Variants in AFF3 observed in about 807,000 individuals in gnomAD.
AFF3 encodes AF4/FMR2 family member 3.
Under a neutral mutation model 129.7 loss-of-function variants are expected in AFF3, and 32 were observed. The ratio of observed to expected loss-of-function variants is 0.25; its 90% confidence interval spans 0.19 to 0.33. AFF3 has a LOEUF of 0.33. AFF3 is among the 10% of genes least tolerant of loss of function. The pLI, the probability that AFF3 is intolerant of heterozygous loss-of-function variation, is 1.00. For synonymous variants in AFF3, 644 were observed against 635.4 expected (o/e 1.01, Z -0.20); for missense variants, 1,373 against 1,592.0 (o/e 0.86, Z 2.34).
intron 7 of AFF3, among the ~76,000 whole-genome samples, chr2:99,931,891 A>T (rs1448611732): frequency 6.6e-6 from 1 of 152,062 alleles, no homozygotes; most frequent in Non-Finnish European, 1.5e-5. Flanking sequence ...TCTGGGTGAC[A>T]GAGTAAGACT....
chr2:100,001,109 C>T lies in AFF3; in HGVS notation c.873+5523G>A, dbSNP rs62149308. 8.0e-3 allele frequency among the ~76,000 whole-genome samples: 1,223 copies of T among 152,308 alleles called. 4 individuals carry two copies. The highest frequency in any genetic ancestry group is 0.012 in the Non-Finnish European group (804 of 68,036). On this transcript the variant is annotated intron_variant, in intron 7 of 24. Coordinates refer to ENST00000672756, the MANE Select transcript of AFF3 (RefSeq NM_001386135.1). ...AAAGCAGCCCTGTAATCTGTTCAGA[C>T]GCATTCCGGGGGAGAAAGCTTTACG...
Position 99,549,550 on chromosome 2 carries a change from A to G in AFF3, c.*1924T>C, listed in dbSNP as rs559845123. The G allele has an allele frequency of 1.1e-5, 2 of 186,600 alleles. No individual in the cohort carries two copies. The highest frequency in any genetic ancestry group is 1.7e-4 in the East Asian group (2 of 11,498). The allele number at this position is 186,600 out of a possible 1,614,324, so 11.6% of individuals were successfully genotyped here. A position where few individuals can be genotyped will look rare whatever the true frequency, so the allele number is the denominator to read the frequency against. On this transcript the variant is annotated 3_prime_UTR_variant, in exon 25 of 25. Coordinates refer to ENST00000672756, the MANE Select transcript of AFF3 (RefSeq NM_001386135.1). The stretch of plus-strand genomic sequence containing the variant: ...CAGTGAGCCGAGATCGTGCCACTGC[A>G]CTCCAGCCTGGGCAACAGAGCGAAA...
chr2:99,613,729 T>C (rs922667353), intron 13 of AFF3, among the ~76,000 whole-genome samples: 10 of 152,344 alleles, frequency 6.6e-5, no homozygotes, highest in African/African-American at 2.4e-4. Context: ...TGAATGCTTG[T>C]TTCAGCTATG....
chr2:99,870,117 C>T (rs1691762178), intron 7 of AFF3, among the ~76,000 whole-genome samples: 1 of 152,188 alleles, frequency 6.6e-6, no homozygotes, highest in Non-Finnish European at 1.5e-5. Context: ...CTGAACAGAG[C>T]TTGGCAGATT....
chr2:99,878,186 A>G (rs1244440648), intron 7 of AFF3, among the ~76,000 whole-genome samples: 1 of 152,244 alleles, frequency 6.6e-6, no homozygotes, highest in Non-Finnish European at 1.5e-5. Flanking sequence ...CTCGATGGCA[A>G]TATTCTCTAG....
At chr2:99,664,397 G>A (rs141179679) in intron 12 of AFF3, among the ~76,000 whole-genome samples, 27 of 152,356 alleles carry the variant, frequency 1.8e-4, no homozygotes, top group Non-Finnish European at 3.7e-4. Context: ...AGGCTGTGGA[G>A]AAACTCAGTC....
chr2:99,978,723 C>A (rs1679115902), intron 7 of AFF3, among the ~76,000 whole-genome samples: 1 of 152,084 alleles, frequency 6.6e-6, no homozygotes, highest in Non-Finnish European at 1.5e-5. Flanking sequence ...AAGGGCAGAG[C>A]CAGTTGAGAA....
chr2:100,038,433 T>C (rs1473971052), intron 4 of AFF3, among the ~76,000 whole-genome samples: 1 of 152,054 alleles, frequency 6.6e-6, no homozygotes, highest in Non-Finnish European at 1.5e-5. Context: ...AAAAAGTGTT[T>C]TACAGAAAGA....
At chr2:99,699,470 G>A (rs1047306136) in intron 11 of AFF3, among the ~76,000 whole-genome samples, 1 of 152,190 alleles carries the variant, frequency 6.6e-6, no homozygotes. Flanking sequence ...AGTGGGGAGA[G>A]CAATTCTCTC....
chr2:99,653,993 C>T (rs1685521761), intron 12 of AFF3, among the ~76,000 whole-genome samples: 1 of 148,542 alleles, frequency 6.7e-6, no homozygotes, highest in South Asian at 2.1e-4. Context: ...GATTCTCCTG[C>T]TTCAACCTCC....
At chr2:100,062,434 C>A (rs2105240225) in intron 4 of AFF3, among the ~76,000 whole-genome samples, 1 of 152,066 alleles carries the variant, frequency 6.6e-6, no homozygotes, top group African/African-American at 2.4e-5. Context: ...TCTACAGGGG[C>A]AAAAAGGAAA....
chr2:99,650,632 T>C (rs56351824), intron 12 of AFF3, among the ~76,000 whole-genome samples: 1,995 of 152,160 alleles, frequency 0.013, 59 homozygotes, highest in Admixed American at 0.064. Flanking sequence ...GGCACATACA[T>C]AAGACAAGAT....
chr2:99,558,784 C>A, intron 22 of AFF3, 91 bp downstream of exon 22: 2 of 1,308,018 alleles, frequency 1.5e-6, no homozygotes, highest in Non-Finnish European at 1.1e-6. Context: ...TGCATTAACC[C>A]CAAAGCAATG....
chr2:99,965,479 AT>A (rs762143974), intron 7 of AFF3, among the ~76,000 whole-genome samples: 2 of 152,220 alleles, frequency 1.3e-5, no homozygotes, highest in Non-Finnish European at 2.9e-5. Context: ...ATATTTAGAA[AT>A]CCACATTAAA....
chr2:100,002,970 G>A (rs1387865714), intron 7 of AFF3, among the ~76,000 whole-genome samples: 1 of 151,990 alleles, frequency 6.6e-6, no homozygotes, highest in Non-Finnish European at 1.5e-5. Flanking sequence ...ACCAAGTTTA[G>A]GCTAATGTAA....
intron 4 of AFF3, among the ~76,000 whole-genome samples, chr2:100,019,183 A>G (rs972506200): frequency 3.3e-5 from 5 of 152,076 alleles, no homozygotes; most frequent in Non-Finnish European, 7.4e-5. Context: ...AGAGACCCTC[A>G]ACGTTAGCCG....
chr2:99,815,555 T>C (rs923739173), intron 8 of AFF3, among the ~76,000 whole-genome samples: 1 of 130,624 alleles, frequency 7.7e-6, no homozygotes, highest in African/African-American at 2.9e-5. Flanking sequence ...TTTCTGACTA[T>C]ATCATATTCC....
chr2:100,133,436 T>A (rs1010850795), intron 1 of AFF3, among the ~76,000 whole-genome samples: 1 of 149,630 alleles, frequency 6.7e-6, no homozygotes, highest in African/African-American at 2.5e-5. Context: ...CACATACTAC[T>A]TTTTTTTTTC....
At chr2:99,891,543 A>G (rs1693550600) in intron 7 of AFF3, among the ~76,000 whole-genome samples, 1 of 152,212 alleles carries the variant, frequency 6.6e-6, no homozygotes, top group African/African-American at 2.4e-5. Flanking sequence ...TGGGGAAGAC[A>G]GACTTCTCTT....
Sources: allele counts gnomAD v4.1 joint callset (sites outside exome capture counted in the v4.1 genomes callset), GRCh38; gene constraint gnomAD v4.1.1; transcripts MANE v1.5; gene names NCBI Gene and HGNC (gene_info 2026-07-23, HGNC 2026-07-21).